The following ANKRD18A variants were observed in gnomAD, a reference collection of about 807,000 sequenced individuals.
ANKRD18A encodes ankyrin repeat domain-containing protein 18A.
Under a neutral mutation model 110.6 loss-of-function variants are expected in ANKRD18A, and 72 were observed. The observed-to-expected ratio is 0.65, with a 90% CI of 0.54 to 0.79. The LOEUF (loss-of-function observed/expected upper bound fraction) is 0.79, where lower values mean the gene tolerates loss of function less well. Among genes scored for constraint, ANKRD18A ranks in the 30% least tolerant of loss-of-function variants. The pLI is 0.00. For missense variants in ANKRD18A, 934 were observed against 1,163.3 expected (o/e 0.80, Z 2.87); for synonymous variants, 305 against 410.3 (o/e 0.74, Z 3.10).
rs563584400 is a variant in ANKRD18A, at chr9:38,600,282, A to G, written c.936+849T>C. Among the ~76,000 whole-genome samples, 3 of 152,330 alleles carry G rather than the reference A, an allele frequency of 2.0e-5. No homozygotes were observed. The South Asian group carries it at 6.2e-4, about 32-fold the overall frequency. On this transcript the variant is annotated intron_variant, in intron 8 of 15. Coordinates refer to ENST00000399703, the MANE Select transcript of ANKRD18A (RefSeq NM_147195.4). ...CTCTTGAAAAGATTTTTACCTCAGC[A>G]TACCCTAAATAGTGAACCCCTACAG...
Position 38,571,407 on chromosome 9 carries a change from A to G in ANKRD18A, c.*638T>C. The G allele has an allele frequency of 1.6e-6, 1 of 633,276 alleles. No individual in the cohort carries two copies. Among genetic ancestry groups the G allele is most frequent in the Non-Finnish European group, 2.3e-6 (1 of 442,284 alleles). 39.2% of individuals were successfully genotyped at this position (633,276 alleles called of 1,614,324 possible). A position where few individuals can be genotyped will look rare whatever the true frequency, so the allele number is the denominator to read the frequency against. ...TTTTATTTCTCCATGTAGAACAAAG[A>G]AGAAAATAAGAAAAACAATCATCTG... On this transcript the variant is annotated 3_prime_UTR_variant, in exon 16 of 16. Coordinates refer to ENST00000399703, the MANE Select transcript of ANKRD18A (RefSeq NM_147195.4).
intron 10 of ANKRD18A, among the ~76,000 whole-genome samples, chr9:38,589,588 C>T (rs1824547287): frequency 6.6e-6 from 1 of 152,222 alleles, no homozygotes; most frequent in African/African-American, 2.4e-5. Context: ...CCCAGTTTGT[C>T]AGATGTTGAG....
At chr9:38,587,414 T>C (rs970170140) in intron 11 of ANKRD18A, among the ~76,000 whole-genome samples, 8 of 152,186 alleles carry the variant, frequency 5.3e-5, no homozygotes, top group African/African-American at 1.9e-4. Context: ...AAAACATGAA[T>C]GCTCATTTTA....
rs1196040310 is a variant in ANKRD18A, at chr9:38,596,019, C to A, written c.1321G>T (p.Asp441Tyr). 1.9e-6 allele frequency: 3 copies of A among 1,549,944 alleles called. No individual in the cohort carries two copies. In the Admixed American group the frequency reaches 5.9e-5, roughly 31 times the overall value. Residue 441 changes from aspartate to tyrosine, a missense_variant, in exon 9 of 16, where the codon GAC (aspartate) becomes TAC (tyrosine). This residue lies in a region of ANKRD18A where 630 missense variants were observed against 797.5 expected (regional missense o/e 0.79). Coordinates refer to ENST00000399703, the MANE Select transcript of ANKRD18A (RefSeq NM_147195.4). The stretch of plus-strand genomic sequence containing the variant: ...GCTCTCCATAAAACTAGTTCTAGGT[C>A]TTTTCTTTCCACAATTTCATTGTAC... ...NEYNEIVERK[D>Y]LELVLWRADD...
chr9:38,569,690 T>C (rs1823570477), downstream of ANKRD18A, among the ~76,000 whole-genome samples: 1 of 152,112 alleles, frequency 6.6e-6, no homozygotes, highest in Non-Finnish European at 1.5e-5. Flanking sequence ...TTTGTTTGTC[T>C]TGCTTCTCTG....
In ANKRD18A at chr9:38,620,588, A is replaced by C; in HGVS notation, c.-303T>G. ...CTGAACCTCAGCGCTCCGAACTCTC[A>C]GACCGAGTGAGTCCCCGCGATGCCA... On this transcript the variant is annotated 5_prime_UTR_variant, in exon 1 of 16. Transcript: ENST00000399703. 1.3e-6 allele frequency: 1 copy of C among 794,400 alleles called. No individual in the cohort carries two copies. Among genetic ancestry groups the C allele is most frequent in the Non-Finnish European group, 1.7e-6 (1 of 599,140 alleles). 49.2% of individuals were successfully genotyped at this position (794,400 alleles called of 1,614,324 possible). A position where few individuals can be genotyped will look rare whatever the true frequency, so the allele number is the denominator to read the frequency against.
At chr9:38,603,305 T>C (rs1268315476) in intron 6 of ANKRD18A, 93 bp from the exon 7 acceptor site, 6 of 1,510,264 alleles carry the variant, frequency 4.0e-6, no homozygotes, top group Non-Finnish European at 5.4e-6. Context: ...TCTGCATGCT[T>C]ACCCTAAATC....
At chr9:38,591,342 A>C (rs1824639523) in intron 10 of ANKRD18A, among the ~76,000 whole-genome samples, 1 of 152,180 alleles carries the variant, frequency 6.6e-6, no homozygotes. Context: ...TCCCAGATCT[A>C]CCAGATACTA....
chr9:38,577,649 T>C (rs1460227967), intron 13 of ANKRD18A, among the ~76,000 whole-genome samples: 1 of 152,148 alleles, frequency 6.6e-6, no homozygotes, highest in East Asian at 1.9e-4. Flanking sequence ...TTTTACTCTA[T>C]AGTGAGAATC....
intron 1 of ANKRD18A, among the ~76,000 whole-genome samples, chr9:38,619,269 A>G (rs1825982660): frequency 6.6e-6 from 1 of 152,188 alleles, no homozygotes; most frequent in Admixed American, 6.5e-5. Flanking sequence ...TTTTTGCGAC[A>G]TAAAGTTTCA....
intron 9 of ANKRD18A, among the ~76,000 whole-genome samples, chr9:38,595,005 A>G (rs528685201): frequency 1.3e-5 from 2 of 152,330 alleles, no homozygotes; most frequent in Non-Finnish European, 2.9e-5. Flanking sequence ...AAAGGAAAGC[A>G]TCTTGTCAGC....
At chr9:38,618,436 C>T (rs2118913982) in intron 1 of ANKRD18A, among the ~76,000 whole-genome samples, 1 of 152,280 alleles carries the variant, frequency 6.6e-6, no homozygotes, top group South Asian at 2.1e-4. Flanking sequence ...CACCTATTGC[C>T]ACCTTCAATG....
chr9:38,593,741 T>C lies in ANKRD18A; in HGVS notation c.2004+19A>G. The C allele has an allele frequency of 6.6e-7, 1 of 1,513,054 alleles. No homozygotes were observed. The highest frequency in any genetic ancestry group is 8.8e-7 in the Non-Finnish European group (1 of 1,131,356). 93.7% of individuals were successfully genotyped at this position (1,513,054 alleles called of 1,614,324 possible). On this transcript the variant is annotated intron_variant, in intron 10 of 15. Transcript: ENST00000399703. ...ACCAGCTACAGATTAACTGTCTACA[T>C]GTTAAATTCCATACATACTTGAATT...
downstream of ANKRD18A, chr9:38,569,484 T>A (rs1186047020): frequency 2.0e-6 from 2 of 980,924 alleles, no homozygotes; most frequent in East Asian, 2.3e-4. Flanking sequence ...CAGAGACTGC[T>A]GCGTGTCTCT....
At chr9:38,600,808 T>C (rs1327301438) in intron 8 of ANKRD18A, among the ~76,000 whole-genome samples, 1 of 152,184 alleles carries the variant, frequency 6.6e-6, no homozygotes, top group African/African-American at 2.4e-5. Flanking sequence ...TGCTCATCAT[T>C]TCTCTTGCTT....
At chr9:38,582,138 T>A (rs570895820) in intron 12 of ANKRD18A, among the ~76,000 whole-genome samples, 30 of 152,032 alleles carry the variant, frequency 2.0e-4, no homozygotes, top group Admixed American at 5.2e-4. Context: ...ATGGTAAACA[T>A]CTATGGATGA....
At chr9:38,589,319 T>G (rs1240295705) in intron 10 of ANKRD18A, among the ~76,000 whole-genome samples, 1 of 152,280 alleles carries the variant, frequency 6.6e-6, no homozygotes, top group Non-Finnish European at 1.5e-5. Context: ...AGATCTATTT[T>G]TCATCACTTA....
intron 3 of ANKRD18A, among the ~76,000 whole-genome samples, chr9:38,612,465 A>C (rs1825663009): frequency 6.6e-6 from 1 of 151,390 alleles, no homozygotes; most frequent in South Asian, 2.1e-4. Context: ...ACTGATGTAT[A>C]GGGCTTGTTT....
rs1026599252 is a variant in ANKRD18A, at chr9:38,575,345, T to C, written c.2964+131A>G. 8.3e-6 allele frequency: 8 copies of C among 963,736 alleles called. No individual in the cohort carries two copies. The African/African-American group carries it at 1.4e-4, about 16-fold the overall frequency. The allele number at this position is 963,736 out of a possible 1,614,324, so 59.7% of individuals were successfully genotyped here. A position where few individuals can be genotyped will look rare whatever the true frequency, so the allele number is the denominator to read the frequency against. ...AAATGTAAAGTTTCCATTTCCTTTC[T>C]GTGTTAACACAGCTAATTATAATCT... On this transcript the variant is annotated intron_variant, in intron 15 of 15. Transcript: ENST00000399703.
Sources: gnomAD v4.1 joint callset for allele counts (sites outside exome capture counted in the v4.1 genomes callset) on GRCh38, gnomAD v4.1.1 for gene constraint, gnomAD v4.1.1 regional missense constraint, MANE v1.5 for transcripts, NCBI Gene and HGNC (gene_info 2026-07-23, HGNC 2026-07-21) for gene names.